TTC28: variants seen among roughly 807,000 people sequenced by gnomAD.
The protein encoded by TTC28 is tetratricopeptide repeat protein 28.
A neutral mutation model predicts 198.0 loss-of-function variants in TTC28; 61 were observed. That is an observed-to-expected ratio of 0.31 (90% CI 0.25 to 0.38). TTC28 has a LOEUF of 0.38. Among genes scored for constraint, TTC28 ranks in the 10% least tolerant of loss-of-function variants. The pLI is 1.00. For synonymous variants in TTC28, 1,171 were observed against 1,297.8 expected (o/e 0.90, Z 2.10); for missense variants, 2,678 against 3,164.0 (o/e 0.85, Z 3.69).
intron 2 of TTC28, among the ~76,000 whole-genome samples, chr22:28,514,696 A>G (rs972554953): frequency 1.3e-5 from 2 of 152,230 alleles, no homozygotes; most frequent in Admixed American, 6.5e-5. Flanking sequence ...TGTGCGCAGC[A>G]GAGAGAATAG....
At chr22:28,492,152 C>A (rs1044415985) in intron 2 of TTC28, among the ~76,000 whole-genome samples, 1 of 151,956 alleles carries the variant, frequency 6.6e-6, no homozygotes, top group Non-Finnish European at 1.5e-5. Flanking sequence ...AGGAGATATA[C>A]CTAATGCTAA....
intron 2 of TTC28, among the ~76,000 whole-genome samples, chr22:28,353,622 T>C (rs1333192325): frequency 2.6e-5 from 4 of 152,196 alleles, no homozygotes; most frequent in Admixed American, 1.3e-4. Flanking sequence ...TTTCAAAAAA[T>C]GGTACTAAAA....
At chr22:28,259,821 T>A (rs929391028) in intron 5 of TTC28, among the ~76,000 whole-genome samples, 16 of 152,130 alleles carry the variant, frequency 1.1e-4, no homozygotes, top group African/African-American at 3.9e-4. Flanking sequence ...ACTTAGATAT[T>A]TGGCATTAAA....
At chr22:28,306,295 G>A (rs549222563) in intron 3 of TTC28, among the ~76,000 whole-genome samples, 6 of 152,206 alleles carry the variant, frequency 3.9e-5, no homozygotes, top group Non-Finnish European at 7.4e-5. Context: ...AAACTTCTAG[G>A]TGAGTGGCCC....
chr22:28,553,618 G>T (rs996713003), intron 2 of TTC28, among the ~76,000 whole-genome samples: 5 of 151,504 alleles, frequency 3.3e-5, no homozygotes, highest in Non-Finnish European at 7.4e-5. Context: ...AGTGAGGAGC[G>T]TCTCCGCCCG....
chr22:28,642,860 T>G (rs563835158), intron 1 of TTC28: 1 of 152,346 alleles, frequency 6.6e-6, no homozygotes, highest in South Asian at 2.1e-4. Flanking sequence ...AATTAAAGAT[T>G]CAGTTCCTCA....
Position 28,512,453 on chromosome 22 carries a change from C to A in TTC28, c.381+117099G>T, listed in dbSNP as rs535096049. ...CATACCCAAAGGAATATAAACCATT[C>A]TATTATAAAGATACATGTATGTATA... On this transcript the variant is annotated intron_variant, in intron 2 of 22. Coordinates refer to ENST00000397906, the MANE Select transcript of TTC28 (RefSeq NM_001145418.2). Among the ~76,000 whole-genome samples the A allele has an allele frequency of 3.3e-5, 5 of 152,228 alleles. No homozygotes were observed. In the South Asian group the frequency reaches 1.0e-3, roughly 32 times the overall value.
chr22:28,088,508 T>C (rs1327512730), intron 12 of TTC28, among the ~76,000 whole-genome samples: 8 of 151,270 alleles, frequency 5.3e-5, no homozygotes, highest in Non-Finnish European at 1.0e-4. Flanking sequence ...ATACAAAAAT[T>C]AATTCAAGAT....
intron 12 of TTC28, among the ~76,000 whole-genome samples, chr22:28,083,880 A>T (rs1941458116): frequency 6.6e-6 from 1 of 152,234 alleles, no homozygotes; most frequent in Admixed American, 6.5e-5. Flanking sequence ...CACCTGGCTC[A>T]GAGGGTCCTA....
At chr22:28,356,242 G>A (rs947947380) in intron 2 of TTC28, among the ~76,000 whole-genome samples, 1 of 151,922 alleles carries the variant, frequency 6.6e-6, no homozygotes, top group African/African-American at 2.4e-5. Context: ...TTTTAACAAG[G>A]TTTGTGTCAA....
In TTC28 at chr22:28,107,697, G is replaced by T; in HGVS notation, c.2148C>A (p.Ala716=). Residue 716 remains alanine, a synonymous_variant, in exon 7 of 23, where the codon GCC becomes GCA. Transcript: ENST00000397906. ...SLNNSQAKFR[A]LGNLGDIFIC... ...TGAATATATCGCCCAGGTTTCCTAGGGCTCGAAATTTAGCCTGGGAATTAT... is the reference window on the plus strand; with the variant it reads ...TGAATATATCGCCCAGGTTTCCTAGTGCTCGAAATTTAGCCTGGGAATTAT... 1 of 1,551,712 alleles carries T rather than the reference G, an allele frequency of 6.4e-7. No homozygotes were observed. The highest frequency in any genetic ancestry group is 2.4e-5 in the East Asian group (1 of 40,918).
chr22:27,991,229 C>T (rs1203470228), intron 19 of TTC28, among the ~76,000 whole-genome samples: 2 of 152,224 alleles, frequency 1.3e-5, no homozygotes, highest in East Asian at 1.9e-4. Flanking sequence ...GGCAGAAAGT[C>T]CCTGTGCTCC....
chr22:28,380,397 TTTC>T (rs1470770471), intron 2 of TTC28, among the ~76,000 whole-genome samples: 1 of 152,122 alleles, frequency 6.6e-6, no homozygotes, highest in Non-Finnish European at 1.5e-5. Context: ...CAAAAATCTC[TTTC>T]TCAAAGCTGT....
At chr22:28,370,051 C>T (rs2046307680) in intron 2 of TTC28, among the ~76,000 whole-genome samples, 1 of 152,168 alleles carries the variant, frequency 6.6e-6, no homozygotes, top group Admixed American at 6.5e-5. Context: ...CACTCTCTTG[C>T]TCTGTGGCTT....
intron 13 of TTC28, among the ~76,000 whole-genome samples, chr22:28,016,700 C>T (rs1274862767): frequency 2.6e-5 from 4 of 152,182 alleles, no homozygotes; most frequent in East Asian, 1.9e-4. Context: ...CAAGGCCCTT[C>T]GGCTTTGAAC....
chr22:28,158,433 A>G (rs1943804329), intron 6 of TTC28, among the ~76,000 whole-genome samples: 1 of 152,224 alleles, frequency 6.6e-6, no homozygotes, highest in Non-Finnish European at 1.5e-5. Context: ...TGAAACCACA[A>G]AAGACCCAGA....
intron 5 of TTC28, among the ~76,000 whole-genome samples, chr22:28,168,084 G>T (rs574112299): frequency 2.2e-4 from 33 of 152,228 alleles, no homozygotes; most frequent in African/African-American, 7.5e-4. Flanking sequence ...ACTTCAAAGA[G>T]AATAAAATAT....
intron 2 of TTC28, among the ~76,000 whole-genome samples, chr22:28,387,486 C>T (rs2146047556): frequency 6.6e-6 from 1 of 152,296 alleles, no homozygotes; most frequent in Non-Finnish European, 1.5e-5. Flanking sequence ...CCTACTTCTC[C>T]ACATCCTCTC....
At chr22:28,168,200 T>C (rs927650643) in intron 5 of TTC28, among the ~76,000 whole-genome samples, 3 of 152,238 alleles carry the variant, frequency 2.0e-5, no homozygotes, top group Non-Finnish European at 2.9e-5. Flanking sequence ...GAACATTCCA[T>C]GCTCATGGAT....
Sources: allele counts gnomAD v4.1 joint callset (sites outside exome capture counted in the v4.1 genomes callset), GRCh38; gene constraint gnomAD v4.1.1; transcripts MANE v1.5; gene names NCBI Gene and HGNC (gene_info 2026-07-23, HGNC 2026-07-21).